The following PTCD1 variants were observed in gnomAD, a reference collection of about 807,000 sequenced individuals.
PTCD1 encodes the protein pentatricopeptide repeat-containing protein 1, mitochondrial.
Under a neutral mutation model 53.4 loss-of-function variants are expected in PTCD1, and 50 were observed. The ratio of observed to expected loss-of-function variants is 0.94; its 90% CI spans 0.75 to 1.19. The LOEUF is 1.19. Among genes scored for constraint, PTCD1 ranks in the 50% most tolerant of loss-of-function variants. PTCD1 has a pLI of 0.00. For synonymous variants in PTCD1, 413 were observed against 394.8 expected, an observed-to-expected ratio of 1.05 and a Z score of -0.55; for missense variants, 918 against 904.8, an observed-to-expected ratio of 1.01 and a Z score of -0.19.
At chr7:99,436,930 T>C (rs1796488793) in intron 1 of PTCD1, among the ~76,000 whole-genome samples, 1 of 152,206 alleles carries the variant, frequency 6.6e-6, no homozygotes. Context: ...GGAGTGCAAA[T>C]GCACAATCAC....
At position 99,419,175 on chromosome 7, in the gene PTCD1, T is replaced by C. The variant is rs569238558; in HGVS notation, c.*792A>G. 59 of 585,346 alleles carry C rather than the reference T, an allele frequency of 1.0e-4. No individual in the cohort carries two copies. Among genetic ancestry groups the C allele is most frequent in the Non-Finnish European group, 1.6e-4 (51 of 327,210 alleles). The allele number at this position is 585,346 out of a possible 1,614,324, so 36.3% of individuals were successfully genotyped here. ...TTGGATTTGCAGAACATATTATAAA[T>C]AGACATACAGATGTAACCTCGGTGT... On this transcript the variant is annotated 3_prime_UTR_variant, in exon 8 of 8. Transcript: ENST00000292478.
At chr7:99,424,007 C>T (rs1257652256) in intron 6 of PTCD1, 50 bp from the exon 7 acceptor site, 1 of 1,592,808 alleles carries the variant, frequency 6.3e-7, no homozygotes, top group Non-Finnish European at 8.6e-7. Context: ...CCATTGGGAC[C>T]CAGCAGCTCC....
chr7:99,423,737 T>G, intron 7 of PTCD1, 38 bp downstream of exon 7: 1 of 1,612,170 alleles, frequency 6.2e-7, no homozygotes, highest in Non-Finnish European at 8.5e-7. Flanking sequence ...GTAGCAATGG[T>G]GAAGGAGCTG....
intron 1 of PTCD1, among the ~76,000 whole-genome samples, chr7:99,435,654 A>G (rs1316293582): frequency 7.4e-6 from 1 of 134,688 alleles, no homozygotes; most frequent in East Asian, 2.3e-4. Flanking sequence ...AAAAAAGAAA[A>G]GAAAGAAAGA....
intron 1 of PTCD1, among the ~76,000 whole-genome samples, chr7:99,437,811 C>A (rs1052214349): frequency 2.0e-5 from 3 of 152,062 alleles, no homozygotes; most frequent in Admixed American, 6.6e-5. Flanking sequence ...ATTACAGGAA[C>A]GCGCCACTAC....
chr7:99,432,329 T>C (rs1247922726), intron 3 of PTCD1, among the ~76,000 whole-genome samples: 1 of 152,218 alleles, frequency 6.6e-6, no homozygotes, highest in Non-Finnish European at 1.5e-5. Context: ...TTTACTGAGA[T>C]AGGCGAAAAC....
In PTCD1 at chr7:99,425,456, C is replaced by T. The variant is rs773537882; in HGVS notation, c.1076G>A (p.Ser359Asn). 2 of 1,613,864 alleles carry T rather than the reference C, an allele frequency of 1.2e-6. No homozygotes were observed. Among genetic ancestry groups the T allele is most frequent in the Non-Finnish European group, 1.7e-6 (2 of 1,179,974 alleles). ...GGCTGTCCTCCTTGGCCGCTGCCTG[C>T]TCACTGGGGGCTGAAGCACAGTCGC... ...EEATVLQPPV[S>N]RQRPRRTAQA... The change falls in exon 6 of 8, where the codon AGC (serine) becomes AAC (asparagine). Residue 359 changes from serine (S) to asparagine (N), a missense_variant. Transcript: ENST00000292478.
intron 5 of PTCD1, 113 bp from the exon 6 acceptor site, chr7:99,425,729 A>C (rs1795987879): frequency 7.2e-7 from 1 of 1,398,544 alleles, no homozygotes; most frequent in Non-Finnish European, 9.8e-7. Context: ...ATCCCTTGAG[A>C]TCAGGAGTTC....
chr7:99,432,229 CT>C (rs1231929400), intron 3 of PTCD1, among the ~76,000 whole-genome samples: 1 of 152,180 alleles, frequency 6.6e-6, no homozygotes, highest in Non-Finnish European at 1.5e-5. Flanking sequence ...AGGAAGGCCT[CT>C]TTGCAGTTGA....
At position 99,419,634 on chromosome 7, in the gene PTCD1, T is replaced by C; in HGVS notation, c.*333A>G. 3 of 786,218 alleles carry C rather than the reference T, an allele frequency of 3.8e-6. No individual in the cohort carries two copies. Among genetic ancestry groups the C allele is most frequent in the Non-Finnish European group, 6.0e-6 (3 of 502,802 alleles). The allele number at this position is 786,218 out of a possible 1,614,324, so 48.7% of individuals were successfully genotyped here. On this transcript the variant is annotated 3_prime_UTR_variant, in exon 8 of 8. Coordinates refer to ENST00000292478, the MANE Select transcript of PTCD1 (RefSeq NM_015545.4). ...TCTCTCGAGCCCCACGTCTCTTCTT[T>C]CAGAGCATCGGCCTATGGAACCCGG...
Position 99,423,722 on chromosome 7 carries a change from AG to A in PTCD1, c.1920+52del, listed in dbSNP as rs538232519. The A allele has an allele frequency of 9.8e-5, 158 of 1,605,942 alleles. No individual in the cohort carries two copies. In the African/African-American group the frequency reaches 1.3e-3, roughly 13 times the overall value. On this transcript the variant is annotated intron_variant, in intron 7 of 7. Coordinates refer to ENST00000292478, the MANE Select transcript of PTCD1 (RefSeq NM_015545.4). ...AGAACCGGGGTTGGGTGGTGGGGGG[AG>A]GGGGTAGCAATGGTGAAGGAGCTGA...
At chr7:99,436,406 G>C (rs1796467355) in intron 1 of PTCD1, among the ~76,000 whole-genome samples, 1 of 152,110 alleles carries the variant, frequency 6.6e-6, no homozygotes, top group Admixed American at 6.6e-5. Flanking sequence ...GATCCCCTCA[G>C]GTCAGGAGTT....
At chr7:99,429,039 A>G (rs1402228721) in intron 5 of PTCD1, 64 bp downstream of exon 5, 1 of 1,584,126 alleles carries the variant, frequency 6.3e-7, no homozygotes, top group Non-Finnish European at 8.7e-7. Flanking sequence ...TGCTCACAGG[A>G]TCACCATTTT....
Position 99,425,605 on chromosome 7 carries a change from C to T in PTCD1, c.927G>A (p.Leu309=). The T allele has an allele frequency of 6.2e-7, 1 of 1,604,394 alleles. No individual in the cohort carries two copies. Among genetic ancestry groups the T allele is most frequent in the East Asian group, 2.3e-5 (1 of 44,236 alleles). Residue 309 remains leucine, a synonymous_variant, in exon 6 of 8, where the codon CTG becomes CTA. Transcript: ENST00000292478. Reference sequence around the variant, plus strand: ...TCGGCTGTAGCCCTAGACTCAGCATCAGCCGCCACACCTGCCACGGAAGAG... The same window carrying T: ...TCGGCTGTAGCCCTAGACTCAGCATTAGCCGCCACACCTGCCACGGAAGAG... The part of the protein sequence containing the change: ...GFRYALQVWR[L]MLSLGLQPSR...
In PTCD1 at chr7:99,438,769, C is replaced by T. The variant is rs1243230557; in HGVS notation, c.-104G>A. ...GGCGAACCAGTCTCTTCCTCGGGTC[C>T]CCCTCTCCCCAAGCGCGCAGGCGCA... On this transcript the variant is annotated 5_prime_UTR_variant, in exon 1 of 8. Transcript: ENST00000292478. 4.4e-6 allele frequency: 6 copies of T among 1,356,554 alleles called. No homozygotes were observed. Among genetic ancestry groups the T allele is most frequent in the Middle Eastern group, 2.0e-4 (1 of 5,106 alleles). 84.0% of individuals were successfully genotyped at this position (1,356,554 alleles called of 1,614,324 possible). A position where few individuals can be genotyped will look rare whatever the true frequency, so the allele number is the denominator to read the frequency against.
rs1244318245 is a variant in PTCD1, at chr7:99,417,179, C to T, written c.*2788G>A. Reference sequence around the variant, plus strand: ...TCAAGTGATTCTCCTGCCTCAGCCTCCTAAGTAGCTGGGATTACAGCTGCT... The same window carrying T: ...TCAAGTGATTCTCCTGCCTCAGCCTTCTAAGTAGCTGGGATTACAGCTGCT... On this transcript the variant is annotated 3_prime_UTR_variant, in exon 8 of 8. Transcript: ENST00000292478. 2 of 399,104 alleles carry T rather than the reference C, an allele frequency of 5.0e-6. No individual in the cohort carries two copies. The highest frequency in any genetic ancestry group is 8.1e-5 in the Admixed American group (2 of 24,760). 24.7% of individuals were successfully genotyped at this position (399,104 alleles called of 1,614,324 possible). A position where few individuals can be genotyped will look rare whatever the true frequency, so the allele number is the denominator to read the frequency against.
chr7:99,429,523 AGCCCTGCCCCT>A, intron 4 of PTCD1, 54 bp downstream of exon 4: 1 of 1,609,772 alleles, frequency 6.2e-7, no homozygotes, highest in Non-Finnish European at 8.5e-7. Flanking sequence ...CAGACACCAC[AGCCCTGCCCCT>A]GACACGTGGG....
chr7:99,425,386 C>T lies in PTCD1; in HGVS notation c.1146G>A (p.Glu382=). 6.2e-7 allele frequency: 1 copy of T among 1,614,198 alleles called. No homozygotes were observed. The highest frequency in any genetic ancestry group is 1.1e-5 in the South Asian group (1 of 91,090). Reference sequence around the variant, plus strand: ...CCAGAAACAGCTGCCTCTCCAGGGCCTCCACATGCAGCATGGCTGACATGA... The same window carrying T: ...CCAGAAACAGCTGCCTCTCCAGGGCTTCCACATGCAGCATGGCTGACATGA... ...GNLMSAMLHV[E]ALERQLFLEP... is the part of the protein sequence containing the mutation. Residue 382 remains glutamate, a synonymous_variant, in exon 6 of 8, where the codon GAG becomes GAA. Coordinates refer to ENST00000292478, the MANE Select transcript of PTCD1 (RefSeq NM_015545.4).
chr7:99,429,943 G>T, intron 3 of PTCD1, 137 bp from the exon 4 acceptor site: 2 of 1,090,838 alleles, frequency 1.8e-6, no homozygotes, highest in Non-Finnish European at 1.4e-6. Flanking sequence ...CAGAGCCATG[G>T]ACACATCAGA....
Sources: allele counts gnomAD v4.1 joint callset (sites outside exome capture counted in the v4.1 genomes callset), GRCh38; gene constraint gnomAD v4.1.1; transcripts MANE v1.5; gene names NCBI Gene and HGNC (gene_info 2026-07-23, HGNC 2026-07-21).